The following DMD variants were observed in gnomAD, a reference collection of about 807,000 sequenced individuals.
DMD encodes the protein dystrophin, also known as mutant dystrophin.
Under a neutral mutation model 330.1 loss-of-function variants are expected in DMD, and 63 were observed. That is an observed-to-expected ratio of 0.19 (90% CI 0.16 to 0.24). The LOEUF is 0.24. Among genes scored for constraint, DMD ranks in the 10% least tolerant of loss-of-function variants. The pLI is 1.00. For synonymous variants in DMD, 1,223 were observed against 959.8 expected (o/e 1.27, Z -5.07); for missense variants, 3,344 against 2,684.1 (o/e 1.25, Z -5.43).
chrX:31,330,264 C>T (rs1371447237), intron 61 of DMD, among the ~76,000 whole-genome samples: 1 of 108,080 alleles, frequency 9.3e-6, no homozygotes, highest in Non-Finnish European at 1.9e-5. Flanking sequence ...AGGGAATGTA[C>T]CCTGGCAAAT....
At chrX:32,165,407 C>CTGATAGATTT in intron 44 of DMD, among the ~76,000 whole-genome samples, 1 of 112,684 alleles carries the variant, frequency 8.9e-6, no homozygotes, top group East Asian at 2.8e-4. Flanking sequence ...TTTGACTGCC[C>CTGATAGATTT]TGATAGATTT....
At chrX:32,480,048 C>T (rs907145492) in intron 21 of DMD, among the ~76,000 whole-genome samples, 1 of 110,684 alleles carries the variant, frequency 9.0e-6, no homozygotes, top group African/African-American at 3.3e-5. Context: ...ATAGAAACCT[C>T]AAAAAACTCA....
At chrX:32,325,071 C>G (rs887908691) in intron 41 of DMD, among the ~76,000 whole-genome samples, 6 of 110,879 alleles carry the variant, frequency 5.4e-5, no homozygotes, top group Admixed American at 9.6e-5. Flanking sequence ...AAATAATACA[C>G]AGAATAAAGC....
chrX:32,177,738 C>T (rs181048170), intron 44 of DMD, among the ~76,000 whole-genome samples: 23 of 111,120 alleles, frequency 2.1e-4, no homozygotes, highest in Middle Eastern at 4.6e-3. Flanking sequence ...TCTGTATGCT[C>T]AGCATCTAGT....
intron 51 of DMD, among the ~76,000 whole-genome samples, chrX:31,730,696 G>A (rs1324683239): frequency 9.0e-6 from 1 of 111,088 alleles, no homozygotes; most frequent in Admixed American, 9.6e-5. Context: ...TTTAATTGGG[G>A]AAAATACAAG....
chrX:32,168,600 T>C (rs770526986), intron 44 of DMD, among the ~76,000 whole-genome samples: 18 of 100,722 alleles, frequency 1.8e-4, no homozygotes, highest in Non-Finnish European at 1.0e-4. Context: ...AACAGGAAAG[T>C]ATGGGAGCAA....
chrX:31,732,109 A>T (rs2086551540), intron 51 of DMD, among the ~76,000 whole-genome samples: 1 of 111,506 alleles, frequency 9.0e-6, no homozygotes, highest in Non-Finnish European at 1.9e-5. Flanking sequence ...TGAGAAGATT[A>T]TTAATGAGAT....
At chrX:32,754,842 G>A (rs868632190) in intron 7 of DMD, 1 of 111,617 alleles carries the variant, frequency 9.0e-6, no homozygotes, top group Admixed American at 9.5e-5. Flanking sequence ...TTGTGCAGAT[G>A]GCTCCCACTA....
At chrX:31,481,951 G>A (rs1025404678) in intron 57 of DMD, among the ~76,000 whole-genome samples, 1 of 111,136 alleles carries the variant, frequency 9.0e-6, no homozygotes, top group African/African-American at 3.3e-5. Flanking sequence ...TTCAGAATGA[G>A]AGATGGATAG....
intron 7 of DMD, among the ~76,000 whole-genome samples, chrX:32,748,796 T>C (rs2148262762): frequency 8.9e-6 from 1 of 112,421 alleles, no homozygotes; most frequent in South Asian, 3.7e-4. Context: ...ACACATTCTG[T>C]GATGTAAAAA....
At position 32,463,595 on chromosome X, in the gene DMD, C is replaced by A; in HGVS notation, c.3277-1G>T. 8.8e-7 allele frequency: 1 copy of A among 1,131,981 alleles called. No homozygotes were observed. Among genetic ancestry groups the A allele is most frequent in the Non-Finnish European group, 1.2e-6 (1 of 852,266 alleles). 93.3% of individuals were successfully genotyped at this position (1,131,981 alleles called of 1,213,427 possible). Reference sequence around the variant, plus strand: ...TTGTCTGAATATCACTGACTAAAAGCTAAGAAAATAAATCAATTTAAGCCA... The same window carrying A: ...TTGTCTGAATATCACTGACTAAAAGATAAGAAAATAAATCAATTTAAGCCA... On this transcript the variant is annotated splice_acceptor_variant, in intron 24 of 78. Coordinates refer to ENST00000357033, the MANE Select transcript of DMD (RefSeq NM_004006.3). LOFTEE classifies it high-confidence loss of function.
intron 48 of DMD, among the ~76,000 whole-genome samples, chrX:31,866,028 A>G (rs1034659504): frequency 2.7e-5 from 3 of 110,868 alleles, no homozygotes; most frequent in African/African-American, 6.6e-5. Flanking sequence ...TTTGATTTTT[A>G]CTAAAGATGA....
intron 55 of DMD, among the ~76,000 whole-genome samples, chrX:31,544,487 A>G (rs1274681278): frequency 9.1e-6 from 1 of 110,152 alleles, no homozygotes. Context: ...AGGTGCCCTT[A>G]CTATACTGGA....
At chrX:31,540,822 G>C (rs770137742) in intron 55 of DMD, among the ~76,000 whole-genome samples, 1 of 112,232 alleles carries the variant, frequency 8.9e-6, no homozygotes, top group South Asian at 3.7e-4. Context: ...AAAATAGGTA[G>C]AAAGGCATTG....
intron 55 of DMD, among the ~76,000 whole-genome samples, chrX:31,610,403 T>C (rs1365012398): frequency 9.0e-6 from 1 of 111,536 alleles, no homozygotes; most frequent in Non-Finnish European, 1.9e-5. Context: ...ACGGGATACT[T>C]AGATAATCTA....
At chrX:31,310,512 A>G (rs376318134) in intron 62 of DMD, among the ~76,000 whole-genome samples, 1 of 106,749 alleles carries the variant, frequency 9.4e-6, no homozygotes, top group South Asian at 4.1e-4. Context: ...GGGTGCCTAC[A>G]TTTTTCGGAT....
At chrX:32,935,456 T>C (rs1055498567) in intron 2 of DMD, among the ~76,000 whole-genome samples, 4 of 112,245 alleles carry the variant, frequency 3.6e-5, no homozygotes, top group Admixed American at 2.8e-4. Flanking sequence ...CTCTACATTA[T>C]GTTTTTATGA....
At chrX:32,531,049 C>T (rs917383614) in intron 17 of DMD, among the ~76,000 whole-genome samples, 22 of 111,673 alleles carry the variant, frequency 2.0e-4, no homozygotes, top group South Asian at 3.7e-4. Flanking sequence ...TGGCTTCTTT[C>T]GTTTTCTTAT....
chrX:32,263,471 G>T (rs1458224192), intron 43 of DMD, among the ~76,000 whole-genome samples: 1 of 112,211 alleles, frequency 8.9e-6, no homozygotes, highest in Non-Finnish European at 1.9e-5. Context: ...TTTTACTATT[G>T]TTACTATCAA....
Sources: allele counts gnomAD v4.1 joint callset (sites outside exome capture counted in the v4.1 genomes callset), GRCh38; gene constraint gnomAD v4.1.1; transcripts MANE v1.5; gene names NCBI Gene and HGNC (gene_info 2026-07-23, HGNC 2026-07-21).